Variants in HECTD2 observed in about 807,000 individuals in gnomAD.
HECTD2 encodes the protein probable E3 ubiquitin-protein ligase HECTD2.
HECTD2 carries 35 observed loss-of-function variants against 103.2 expected under a neutral mutation model. That is an observed-to-expected ratio of 0.34 (90% CI 0.26 to 0.45). The LOEUF (loss-of-function observed/expected upper bound fraction) is 0.45, where lower values mean the gene tolerates loss of function less well. Ranked by LOEUF, HECTD2 falls within the 20% of genes least tolerant of loss-of-function variation. HECTD2 has a pLI of 1.00. For missense variants in HECTD2, 596 were observed against 937.4 expected, an observed-to-expected ratio of 0.64 and a Z score of 4.76; for synonymous variants, 281 against 329.9, an observed-to-expected ratio of 0.85 and a Z score of 1.61.
rs1847502951 is a variant in HECTD2, at chr10:91,513,461, ATGTT to A, written c.*1083_*1086del. 6.6e-6 allele frequency: 1 copy of A among 152,614 alleles called. No individual in the cohort carries two copies. The allele number at this position is 152,614 out of a possible 1,614,324, so 9.5% of individuals were successfully genotyped here. ...AATAAAATTCAACGTTTTGGCCAAA[ATGTT>A]TGTTTTTCACTGGATTCTGAATATA... On this transcript the variant is annotated 3_prime_UTR_variant, in exon 21 of 21. Transcript: ENST00000298068.
At chr10:91,472,516 G>T (rs1011771179) in intron 5 of HECTD2, among the ~76,000 whole-genome samples, 1 of 152,262 alleles carries the variant, frequency 6.6e-6, no homozygotes, top group East Asian at 1.9e-4. Flanking sequence ...ACAGTAAGTA[G>T]ACAACCTGCA....
chr10:91,434,359 G>A lies in HECTD2; in HGVS notation c.268+8949G>A, dbSNP rs75702719. 8.1e-3 allele frequency among the ~76,000 whole-genome samples: 1,239 copies of A among 152,064 alleles called. 20 individuals are homozygous for A. Among genetic ancestry groups the A allele is most frequent in the African/African-American group, 0.029 (1,195 of 41,528 alleles). On this transcript the variant is annotated intron_variant, in intron 2 of 20. Transcript: ENST00000298068. ...AACTGATACAGGGATCCTTCAACTT[G>A]TAGCTCATTTATTATTACCTGGCTG... is the stretch of plus-strand genomic sequence containing the variant.
In HECTD2 at chr10:91,496,276, C is replaced by T; in HGVS notation, c.1584C>T (p.Tyr528=). Residue 528 remains tyrosine (Y), a synonymous_variant, in exon 15 of 21, where the codon TAC becomes TAT. Coordinates refer to ENST00000298068, the MANE Select transcript of HECTD2 (RefSeq NM_182765.6). ...TLDIRFPPCC[Y]KKLLSPPIIP... The stretch of plus-strand genomic sequence containing the variant: ...ATATTCGTTTCCCTCCCTGCTGTTA[C>T]AAGAAATTATTGAGCCCTCCCATCA... The T allele has an allele frequency of 6.2e-7, 1 of 1,612,530 alleles. No individual in the cohort carries two copies. Among genetic ancestry groups the T allele is most frequent in the East Asian group, 2.2e-5 (1 of 44,838 alleles).
intron 2 of HECTD2, 66 bp from the exon 3 acceptor site, chr10:91,460,361 C>A: frequency 8.1e-7 from 1 of 1,232,176 alleles, no homozygotes; most frequent in Non-Finnish European, 1.1e-6. Flanking sequence ...TTGAATTAAT[C>A]TTGTATTTTA....
chr10:91,512,167 AT>A, intron 20 of HECTD2, 96 bp from the exon 21 acceptor site: 1 of 1,287,488 alleles, frequency 7.8e-7, no homozygotes, highest in Non-Finnish European at 1.1e-6. Context: ...AGTGAAATAG[AT>A]TTGAATGTGT....
intron 2 of HECTD2, among the ~76,000 whole-genome samples, chr10:91,436,596 A>G (rs1844128880): frequency 6.6e-6 from 1 of 151,966 alleles, no homozygotes; most frequent in South Asian, 2.1e-4. Flanking sequence ...TCTCCAAATA[A>G]TAGGAATTTC....
At chr10:91,456,784 C>T (rs1845116596) in intron 2 of HECTD2, among the ~76,000 whole-genome samples, 1 of 151,988 alleles carries the variant, frequency 6.6e-6, no homozygotes, top group Non-Finnish European at 1.5e-5. Context: ...ATATCTAAGC[C>T]TTTAGCTCAC....
chr10:91,491,949 A>G (rs1412575872), intron 12 of HECTD2, among the ~76,000 whole-genome samples: 1 of 152,176 alleles, frequency 6.6e-6, no homozygotes, highest in African/African-American at 2.4e-5. Flanking sequence ...GTCTCAAGCC[A>G]TACTCCTACC....
chr10:91,411,606 G>A (rs540431748), intron 1 of HECTD2, among the ~76,000 whole-genome samples: 7 of 152,304 alleles, frequency 4.6e-5, no homozygotes, highest in Middle Eastern at 3.4e-3. Context: ...TTGGTGTTAG[G>A]AATAATTTTC....
chr10:91,453,638 CAG>C (rs1340427674), intron 2 of HECTD2, among the ~76,000 whole-genome samples: 1 of 151,970 alleles, frequency 6.6e-6, no homozygotes, highest in Non-Finnish European at 1.5e-5. Context: ...GGGAAAATAA[CAG>C]AAATGATAAG....
At chr10:91,484,334 A>G (rs1308244757) in intron 8 of HECTD2, 173 bp from the exon 9 acceptor site, 1 of 1,367,622 alleles carries the variant, frequency 7.3e-7, no homozygotes, top group Non-Finnish European at 9.9e-7. Context: ...TTTAACGAAG[A>G]CAGTATTCAA....
chr10:91,495,193 T>A (rs1846622570), intron 14 of HECTD2, among the ~76,000 whole-genome samples: 1 of 152,012 alleles, frequency 6.6e-6, no homozygotes, highest in Admixed American at 6.6e-5. Flanking sequence ...GAGTGGATTG[T>A]GGTCAGGTAA....
At chr10:91,410,244 G>C (rs1445981618), upstream of HECTD2, 1 of 153,028 alleles carries the variant, frequency 6.5e-6, no homozygotes, top group Admixed American at 6.6e-5. Context: ...CGCGTCCGCG[G>C]GGCTGGCGCG....
In HECTD2 at chr10:91,513,695, A is replaced by T. The variant is rs1289407226; in HGVS notation, c.*1311A>T. The T allele has an allele frequency of 6.6e-6, 1 of 152,638 alleles. No homozygotes were observed. Among genetic ancestry groups the T allele is most frequent in the African/African-American group, 2.4e-5 (1 of 41,466 alleles). The allele number at this position is 152,638 out of a possible 1,614,324, so 9.5% of individuals were successfully genotyped here. ...AGAAAACTCTGAAGTTATATTTGCA[A>T]TAATAATGAAACCAGCATTTAGTAC... On this transcript the variant is annotated 3_prime_UTR_variant, in exon 21 of 21. Coordinates refer to ENST00000298068, the MANE Select transcript of HECTD2 (RefSeq NM_182765.6).
At chr10:91,504,121 A>G (rs1380342787) in intron 20 of HECTD2, among the ~76,000 whole-genome samples, 3 of 152,166 alleles carry the variant, frequency 2.0e-5, no homozygotes, top group East Asian at 1.9e-4. Context: ...CCAAAAACCC[A>G]TCTGTACATC....
At chr10:91,434,608 G>C (rs1844034506) in intron 2 of HECTD2, among the ~76,000 whole-genome samples, 1 of 146,260 alleles carries the variant, frequency 6.8e-6, no homozygotes, top group African/African-American at 2.8e-5. Context: ...CTTGATGCTT[G>C]TTGAATTTTT....
chr10:91,457,084 T>C (rs1364767946), intron 2 of HECTD2, among the ~76,000 whole-genome samples: 1 of 152,038 alleles, frequency 6.6e-6, no homozygotes, highest in Middle Eastern at 3.2e-3. Flanking sequence ...GTGGACCAAT[T>C]CCTCAAAAAA....
At chr10:91,498,306 G>C (rs1846763166) in intron 16 of HECTD2, 124 bp downstream of exon 16, 1 of 664,700 alleles carries the variant, frequency 1.5e-6, no homozygotes, top group African/African-American at 1.8e-5. Context: ...ACAATCCTCT[G>C]TCTTAAAGGA....
chr10:91,509,893 T>C (rs371079776), intron 20 of HECTD2, among the ~76,000 whole-genome samples: 2 of 152,230 alleles, frequency 1.3e-5, no homozygotes, highest in South Asian at 2.1e-4. Context: ...GTTTACCTTA[T>C]ATAACAAACC....
Sources: gnomAD v4.1 joint callset for allele counts (sites outside exome capture counted in the v4.1 genomes callset) on GRCh38, gnomAD v4.1.1 for gene constraint, MANE v1.5 for transcripts, NCBI Gene and HGNC (gene_info 2026-07-23, HGNC 2026-07-21) for gene names.